Variants in FILIP1L observed in about 807,000 individuals in gnomAD.
FILIP1L encodes the protein filamin A-interacting protein 1-like.
Under a neutral mutation model 96.6 loss-of-function variants are expected in FILIP1L, and 55 were observed. The ratio of observed to expected loss-of-function variants is 0.57; its 90% CI spans 0.46 to 0.71. The LOEUF (loss-of-function observed/expected upper bound fraction) is 0.71. Ranked by LOEUF, FILIP1L falls within the 30% of genes least tolerant of loss-of-function variation. FILIP1L has a pLI of 0.00. For synonymous variants in FILIP1L, 467 were observed against 473.9 expected, an observed-to-expected ratio of 0.99 and a Z score of 0.19; for missense variants, 1,304 against 1,321.2, an observed-to-expected ratio of 0.99 and a Z score of 0.20.
chr3:99,887,679 ATATATT>A (rs1395885717), intron 4 of FILIP1L, among the ~76,000 whole-genome samples: 1 of 152,212 alleles, frequency 6.6e-6, no homozygotes, highest in Non-Finnish European at 1.5e-5. Flanking sequence ...TATAAGTACA[ATATATT>A]TATATGAAAT....
intron 1 of FILIP1L, among the ~76,000 whole-genome samples, chr3:100,021,915 TTGTGTGTGTG>T (rs61704772): frequency 0.33 from 34,057 of 104,134 alleles, 6,304 homozygotes; most frequent in Middle Eastern, 0.39. Flanking sequence ...CTAGATCCCA[TTGTGTGTGTG>T]TGTGTGTGTG....
intron 1 of FILIP1L, among the ~76,000 whole-genome samples, chr3:100,007,484 A>C (rs1387382557): frequency 6.6e-6 from 1 of 152,212 alleles, no homozygotes; most frequent in African/African-American, 2.4e-5. Flanking sequence ...GAGAGAAATC[A>C]AATCATGAAA....
intron 1 of FILIP1L, among the ~76,000 whole-genome samples, chr3:100,012,112 G>A (rs1284959714): frequency 1.3e-5 from 2 of 152,064 alleles, no homozygotes; most frequent in Non-Finnish European, 2.9e-5. Flanking sequence ...TATTCAAAAA[G>A]CAACCTAAAA....
At chr3:99,971,878 T>C (rs1214278968) in intron 1 of FILIP1L, among the ~76,000 whole-genome samples, 1 of 152,210 alleles carries the variant, frequency 6.6e-6, no homozygotes, top group Non-Finnish European at 1.5e-5. Flanking sequence ...AAAGCACCTA[T>C]ATACTCTTTT....
intron 4 of FILIP1L, among the ~76,000 whole-genome samples, chr3:99,866,546 C>T (rs987505524): frequency 6.6e-6 from 1 of 152,018 alleles, no homozygotes; most frequent in Non-Finnish European, 1.5e-5. Context: ...TTTGGGTCCT[C>T]GATTTTAGCT....
chr3:99,856,943 G>A (rs554213621), intron 4 of FILIP1L, among the ~76,000 whole-genome samples: 6 of 152,060 alleles, frequency 3.9e-5, no homozygotes, highest in East Asian at 1.9e-4. Flanking sequence ...AATTCTTACC[G>A]CTTTTGATTT....
intron 1 of FILIP1L, among the ~76,000 whole-genome samples, chr3:100,068,155 GA>G (rs2065698436): frequency 1.3e-5 from 2 of 152,212 alleles, no homozygotes; most frequent in Admixed American, 1.3e-4. Context: ...TTTAATCAAA[GA>G]AATACCATTG....
intron 4 of FILIP1L, among the ~76,000 whole-genome samples, chr3:99,915,858 C>A (rs1706934147): frequency 6.6e-6 from 1 of 152,144 alleles, no homozygotes; most frequent in South Asian, 2.1e-4. Flanking sequence ...AACAATATGC[C>A]ACTTGAAAAC....
At chr3:100,001,948 G>T (rs1451235385) in intron 1 of FILIP1L, among the ~76,000 whole-genome samples, 1 of 152,146 alleles carries the variant, frequency 6.6e-6, no homozygotes, top group Non-Finnish European at 1.5e-5. Flanking sequence ...GAGACATCTG[G>T]TTTTCATCTC....
chr3:100,113,867 A>G (rs2066530606), intron 1 of FILIP1L, among the ~76,000 whole-genome samples, 186 bp downstream of exon 1: 1 of 152,156 alleles, frequency 6.6e-6, no homozygotes, highest in African/African-American at 2.4e-5. Flanking sequence ...CTATTTTGCA[A>G]GCAACTCTTA....
intron 1 of FILIP1L, among the ~76,000 whole-genome samples, chr3:100,074,515 T>G (rs1267569247): frequency 1.3e-5 from 2 of 152,024 alleles, no homozygotes; most frequent in Admixed American, 6.6e-5. Context: ...ATTTTGCAAA[T>G]TTATTCTATA....
chr3:100,037,533 A>T (rs1201423646), intron 1 of FILIP1L, among the ~76,000 whole-genome samples: 3 of 152,218 alleles, frequency 2.0e-5, no homozygotes, highest in African/African-American at 7.2e-5. Context: ...ATCATACCCT[A>T]AGATAAACTG....
chr3:99,867,777 G>T (rs1219249571), intron 4 of FILIP1L, among the ~76,000 whole-genome samples: 1 of 152,052 alleles, frequency 6.6e-6, no homozygotes, highest in East Asian at 1.9e-4. Context: ...CATGTCAAGA[G>T]ATTTTATGGC....
intron 1 of FILIP1L, among the ~76,000 whole-genome samples, chr3:100,100,088 G>A (rs761013768): frequency 8.5e-5 from 13 of 152,306 alleles, no homozygotes; most frequent in South Asian, 6.2e-4. Context: ...GGCATGAGCC[G>A]TGAGAGCAGA....
intron 1 of FILIP1L, among the ~76,000 whole-genome samples, chr3:99,943,427 G>C (rs978209032): frequency 6.6e-6 from 1 of 152,042 alleles, no homozygotes; most frequent in Middle Eastern, 3.2e-3. Context: ...AATCTTGCCG[G>C]GTATGGTGGC....
chr3:100,040,004 T>G (rs1023685407), intron 1 of FILIP1L: 3 of 152,212 alleles, frequency 2.0e-5, no homozygotes, highest in Non-Finnish European at 4.4e-5. Context: ...CCGCCCACCT[T>G]GGCCTTCCAA....
intron 4 of FILIP1L, among the ~76,000 whole-genome samples, chr3:99,910,916 A>G (rs1706767431): frequency 6.6e-6 from 1 of 152,206 alleles, no homozygotes; most frequent in Non-Finnish European, 1.5e-5. Flanking sequence ...TTAGCTGAGC[A>G]ACCCTTTTCA....
At chr3:100,017,475 C>T (rs2107217271) in intron 1 of FILIP1L, among the ~76,000 whole-genome samples, 1 of 152,356 alleles carries the variant, frequency 6.6e-6, no homozygotes, top group South Asian at 2.1e-4. Flanking sequence ...TTTATATACT[C>T]AGATATACCT....
chr3:100,105,353 C>A (rs1444353610), intron 1 of FILIP1L, among the ~76,000 whole-genome samples: 1 of 152,134 alleles, frequency 6.6e-6, no homozygotes, highest in African/African-American at 2.4e-5. Context: ...CTAGTAATAT[C>A]TTTTTAGACA....
Sources: gnomAD v4.1 joint callset for allele counts (sites outside exome capture counted in the v4.1 genomes callset) on GRCh38, gnomAD v4.1.1 for gene constraint, MANE v1.5 for transcripts, NCBI Gene and HGNC (gene_info 2026-07-23, HGNC 2026-07-21) for gene names.